CASKIN1: variants seen among roughly 807,000 people sequenced by gnomAD.
The protein encoded by CASKIN1 is CASK interacting protein 1.
CASKIN1 carries 42 observed loss-of-function variants against 117.5 expected under a neutral mutation model. The ratio of observed to expected loss-of-function variants is 0.36; its 90% CI spans 0.28 to 0.46. The LOEUF is 0.46. CASKIN1 is among the 20% of genes least tolerant of loss of function. The pLI is 1.00. For missense variants in CASKIN1, 2,083 were observed against 2,077.3 expected, an observed-to-expected ratio of 1.00 and a Z score of -0.05; for synonymous variants, 1,148 against 961.7, an observed-to-expected ratio of 1.19 and a Z score of -3.59.
Position 2,189,299 on chromosome 16 carries a change from C to A in CASKIN1, c.425G>T (p.Cys142Phe). ...CGTCTTCCCCGAGTTGTCCACCATGCACGGGTTAGACTGGTGCTGTAGCAG... is the reference window on the plus strand; with the variant it reads ...CGTCTTCCCCGAGTTGTCCACCATGAACGGGTTAGACTGGTGCTGTAGCAG... ...EMLLQHQSNP[C>F]MVDNSGKTPL... Residue 142 changes from cysteine to phenylalanine, a missense_variant, in exon 5 of 20, where the codon TGC (cysteine) becomes TTC (phenylalanine). Physicochemically the swap from Cys to Phe is radical, Grantham distance 205. Around this residue, in one of 3 missense-constraint regions of CASKIN1, gnomAD observed 203 missense variants for 338.7 expected, o/e 0.60. Coordinates refer to ENST00000343516, the MANE Select transcript of CASKIN1 (RefSeq NM_020764.4). The A allele has an allele frequency of 6.2e-7, 1 of 1,613,292 alleles. No homozygotes were observed. Among genetic ancestry groups the A allele is most frequent in the Non-Finnish European group, 8.5e-7 (1 of 1,179,918 alleles).
chr16:2,190,179 T>A lies in CASKIN1; in HGVS notation c.147-9A>T. On this transcript the variant is annotated splice_polypyrimidine_tract_variant and intron_variant, in intron 2 of 19. Coordinates refer to ENST00000343516, the MANE Select transcript of CASKIN1 (RefSeq NM_020764.4). ...GGTGCAGAGCCGAGAAGCTGGCACG[T>A]GCAGAGGACACATAGAGCAGAGGCC... 1.9e-6 allele frequency: 3 copies of A among 1,612,856 alleles called. No homozygotes were observed. The highest frequency in any genetic ancestry group is 2.5e-6 in the Non-Finnish European group (3 of 1,179,806).
intron 1 of CASKIN1, among the ~76,000 whole-genome samples, chr16:2,195,115 A>C (rs2093211852): frequency 6.6e-6 from 1 of 152,132 alleles, no homozygotes; most frequent in African/African-American, 2.4e-5. Context: ...GCCTCTGCCC[A>C]CAAGCTCTCC....
Position 2,196,522 on chromosome 16 carries a change from C to CCCGCCGCCTCCCCCGCCGCCTCCT in CASKIN1, c.-114_-91dup. On this transcript the variant is annotated 5_prime_UTR_variant, in exon 1 of 20. Coordinates refer to ENST00000343516, the MANE Select transcript of CASKIN1 (RefSeq NM_020764.4). The surrounding 1 kb of genome is among the most constrained non-coding windows in gnomAD (Gnocchi z 5.7). ...CGGCCCCGCGGCACCGGCCGCCTCCCCCGCCGCCTCCCCCGCCGCCTCCTC... is the reference window on the plus strand; with the variant it reads ...CGGCCCCGCGGCACCGGCCGCCTCCCCCGCCGCCTCCCCCGCCGCCTCCTCCGCCGCCTCCCCCGCCGCCTCCTC... 2.3e-6 allele frequency: 1 copy of CCCGCCGCCTCCCCCGCCGCCTCCT among 443,098 alleles called. No individual in the cohort carries two copies. The highest frequency in any genetic ancestry group is 2.9e-6 in the Non-Finnish European group (1 of 339,000). 27.4% of individuals were successfully genotyped at this position (443,098 alleles called of 1,614,324 possible).
rs369309592 is a variant in CASKIN1, at chr16:2,178,634, C to A, written c.4212G>T (p.Ala1404=). 3 of 1,591,742 alleles carry A rather than the reference C, an allele frequency of 1.9e-6. No individual in the cohort carries two copies. The Admixed American group carries it at 5.1e-5, about 27-fold the overall frequency. ...CCAGGATGCTGCCAGTGCTCTTTTC[C>A]GCCGCCGAGTCGCTGCGGGGCGCGG... The part of the protein sequence containing the change: ...EDAQGPRDSA[A]EKSTGSILDD... Residue 1404 remains alanine, a synonymous_variant, in exon 20 of 20, where the codon GCG becomes GCT. Transcript: ENST00000343516.
chr16:2,190,016 G>A (rs2093196612), intron 3 of CASKIN1, 57 bp downstream of exon 3: 24 of 1,462,362 alleles, frequency 1.6e-5, no homozygotes, highest in Non-Finnish European at 2.3e-5. Context: ...AGGCCCTGGG[G>A]AGCCCCCCTC....
At chr16:2,186,884 A>G in intron 9 of CASKIN1, 60 bp from the exon 10 acceptor site, 1 of 1,603,588 alleles carries the variant, frequency 6.2e-7, no homozygotes, top group South Asian at 1.1e-5. Context: ...TCTCCTGCCC[A>G]GTGCCCCCCA....
Position 2,183,915 on chromosome 16 carries a change from G to A in CASKIN1, c.1443C>T (p.Leu481=), listed in dbSNP as rs753772556. The part of the protein sequence containing the change: ...GKSSEAVSQW[L]TAFQLQLYAP... ...CGTAGAGCTGCAGCTGGAACGCGGT[G>A]AGCCACTGGCTCACGGCCTCAGAGC... Residue 481 remains leucine, a synonymous_variant, in exon 15 of 20, where the codon CTC becomes CTT. Transcript: ENST00000343516. 8 of 1,608,922 alleles carry A rather than the reference G, an allele frequency of 5.0e-6. No homozygotes were observed. Among genetic ancestry groups the A allele is most frequent in the Non-Finnish European group, 6.8e-6 (8 of 1,179,244 alleles).
chr16:2,196,480 C>A lies in CASKIN1; in HGVS notation c.-48G>T. On this transcript the variant is annotated 5_prime_UTR_variant, in exon 1 of 20. Transcript: ENST00000343516. This position sits in a 1 kb window ranked among gnomAD's most constrained non-coding sequence, Gnocchi z 5.7. The stretch of plus-strand genomic sequence containing the variant: ...CGCGGCTGCGCTCGTGAGCTCGGCG[C>A]GGCTCAGAGGCGGCGGCGGCCCCGC... 1.0e-6 allele frequency: 1 copy of A among 993,646 alleles called. No homozygotes were observed. Among genetic ancestry groups the A allele is most frequent in the Non-Finnish European group, 1.2e-6 (1 of 816,662 alleles). The allele number at this position is 993,646 out of a possible 1,614,324, so 61.6% of individuals were successfully genotyped here.
At position 2,185,301 on chromosome 16, in the gene CASKIN1, G is replaced by C. The variant is rs764389419; in HGVS notation, c.1150+6C>G. The C allele has an allele frequency of 3.1e-6, 5 of 1,595,266 alleles. No homozygotes were observed. Among genetic ancestry groups the C allele is most frequent in the Non-Finnish European group, 2.6e-6 (3 of 1,166,950 alleles). On this transcript the variant is annotated splice_donor_region_variant and intron_variant, in intron 11 of 19. Transcript: ENST00000343516. ...GCCACCTCTGCCCTTCAGGGACCCA[G>C]CCTACCTGCAAAAGGCTTCCTCAGC... is the stretch of plus-strand genomic sequence containing the variant.
chr16:2,178,282 C>T lies in CASKIN1; in HGVS notation c.*268G>A, dbSNP rs1037961372. The stretch of plus-strand genomic sequence containing the variant: ...CATCCCTGGTCCCGGGGCGCCCTCC[C>T]CTCCCGCGCGGGCAGGAGGCCCAGC... On this transcript the variant is annotated 3_prime_UTR_variant, in exon 20 of 20. Coordinates refer to ENST00000343516, the MANE Select transcript of CASKIN1 (RefSeq NM_020764.4). The T allele has an allele frequency of 1.7e-5, 7 of 406,142 alleles. No homozygotes were observed. The highest frequency in any genetic ancestry group is 1.3e-4 in the African/African-American group (6 of 46,012). 25.2% of individuals were successfully genotyped at this position (406,142 alleles called of 1,614,324 possible). A position where few individuals can be genotyped will look rare whatever the true frequency, so the allele number is the denominator to read the frequency against.
At position 2,179,728 on chromosome 16, in the gene CASKIN1, G is replaced by T. The variant is rs1324711659; in HGVS notation, c.3640C>A (p.Pro1214Thr). 8.4e-6 allele frequency: 13 copies of T among 1,547,418 alleles called. No individual in the cohort carries two copies. The African/African-American group carries it at 1.1e-4, about 13-fold the overall frequency. ...GCCGGCTTCCGGGCTTCGCCCTCGG[G>T]CGGGGGCAATGGGGGTAGGTGCGCC... is the stretch of plus-strand genomic sequence containing the variant. ...DLAHLPPLPPPEGEARKPAKP... is the reference protein window; with the variant it reads ...DLAHLPPLPPTEGEARKPAKP... The change falls in exon 18 of 20, where the codon CCC becomes ACC. Residue 1214 changes from proline to threonine, a missense_variant. By Grantham distance (38) the Pro-to-Thr change is conservative. Transcript: ENST00000343516. This position sits in a 1 kb window ranked among gnomAD's most constrained non-coding sequence, Gnocchi z 5.8.
Position 2,196,314 on chromosome 16 carries a change from C to A in CASKIN1, c.94+25G>T, listed in dbSNP as rs1221309593. On this transcript the variant is annotated intron_variant, in intron 1 of 19. Transcript: ENST00000343516. The surrounding 1 kb of genome is among the most constrained non-coding windows in gnomAD (Gnocchi z 5.7). The stretch of plus-strand genomic sequence containing the variant: ...GGGAGGGGCCCCCGGGGCTCCCACC[C>A]GCGCCCCGCGCCCCCGGCACTCACT... 42 of 1,131,926 alleles carry A rather than the reference C, an allele frequency of 3.7e-5. No homozygotes were observed. Among genetic ancestry groups the A allele is most frequent in the Non-Finnish European group, 4.6e-5 (42 of 913,272 alleles). 70.1% of individuals were successfully genotyped at this position (1,131,926 alleles called of 1,614,324 possible). A position where few individuals can be genotyped will look rare whatever the true frequency, so the allele number is the denominator to read the frequency against.
At chr16:2,194,270 A>G (rs1303697466) in intron 1 of CASKIN1, among the ~76,000 whole-genome samples, 1 of 152,082 alleles carries the variant, frequency 6.6e-6, no homozygotes, top group South Asian at 2.1e-4. Flanking sequence ...CAGAGGGAAG[A>G]GTGGGTCCCT....
At position 2,179,786 on chromosome 16, in the gene CASKIN1, C is replaced by G; in HGVS notation, c.3582G>C (p.Pro1194=). 1.3e-6 allele frequency: 2 copies of G among 1,565,780 alleles called. No individual in the cohort carries two copies. Among genetic ancestry groups the G allele is most frequent in the South Asian group, 2.3e-5 (2 of 87,146 alleles). ...EQAGPPELPP[P]PPPAEPPPTD... ...TGGGCGGGGGTTCGGCAGGCGGGGG[C>G]GGTGGAGGCAGCTCCGGAGGCCCAG... The change falls in exon 18 of 20, where the codon CCG becomes CCC. Residue 1194 remains proline, a synonymous_variant. Coordinates refer to ENST00000343516, the MANE Select transcript of CASKIN1 (RefSeq NM_020764.4). This position sits in a 1 kb window ranked among gnomAD's most constrained non-coding sequence, Gnocchi z 5.8.
At position 2,178,040 on chromosome 16, in the gene CASKIN1, AATAT is replaced by A. The variant is rs945679818; in HGVS notation, c.*506_*509del. ...AGAATCAATAATATTTCTTTCTTTA[AATAT>A]ATATTTGTTAAAGTTATACCTTTTT... On this transcript the variant is annotated 3_prime_UTR_variant, in exon 20 of 20. Transcript: ENST00000343516. The A allele has an allele frequency of 8.8e-6, 4 of 454,316 alleles. No individual in the cohort carries two copies. Among genetic ancestry groups the A allele is most frequent in the African/African-American group, 8.2e-5 (4 of 48,566 alleles). 28.1% of individuals were successfully genotyped at this position (454,316 alleles called of 1,614,324 possible).
At position 2,189,339 on chromosome 16, in the gene CASKIN1, G is replaced by A. The variant is rs2093194110; in HGVS notation, c.391-6C>T. 1 of 1,612,816 alleles carries A rather than the reference G, an allele frequency of 6.2e-7. No homozygotes were observed. Among genetic ancestry groups the A allele is most frequent in the Non-Finnish European group, 8.5e-7 (1 of 1,179,860 alleles). ...TGCTGTAGCAGCATCTCAGACTGGG[G>A]GCCAAGGGCGCAGTCAGGTCCGCAC... On this transcript the variant is annotated splice_polypyrimidine_tract_variant and splice_region_variant and intron_variant, in intron 4 of 19. Transcript: ENST00000343516.
chr16:2,195,610 T>G (rs2093213476), intron 1 of CASKIN1, among the ~76,000 whole-genome samples: 1 of 152,206 alleles, frequency 6.6e-6, no homozygotes, highest in South Asian at 2.1e-4. Flanking sequence ...TAGGGCAAGC[T>G]GGGGATGGCC....
chr16:2,188,666 T>A (rs1052066873), intron 6 of CASKIN1, among the ~76,000 whole-genome samples: 2 of 152,146 alleles, frequency 1.3e-5, no homozygotes, highest in African/African-American at 4.8e-5. Flanking sequence ...CAGTGAGCAC[T>A]GTTGAAGGGC....
intron 11 of CASKIN1, 32 bp from the exon 12 acceptor site, chr16:2,185,231 T>G (rs1300554795): frequency 6.2e-7 from 1 of 1,606,154 alleles, no homozygotes; most frequent in Non-Finnish European, 8.5e-7. Context: ...ATGAGGCCAG[T>G]GCCGGCCCCT....
Sources: allele counts gnomAD v4.1 joint callset (sites outside exome capture counted in the v4.1 genomes callset), GRCh38; gene constraint gnomAD v4.1.1; regional missense constraint gnomAD v4.1.1; non-coding constraint Gnocchi (gnomAD v3.1); transcripts MANE v1.5; gene names NCBI Gene and HGNC (gene_info 2026-07-23, HGNC 2026-07-21).